The following KCNQ1OT1 variants were observed in gnomAD, a reference collection of about 807,000 sequenced individuals.
KCNQ1OT1 encodes KCNQ1 antisense RNA 2 (non-protein coding).
Position 2,690,276 on chromosome 11 carries a change from T to C in KCNQ1OT1, n.9719A>G. The C allele has an allele frequency of 2.5e-6, 1 of 398,722 alleles. No individual in the cohort carries two copies. The highest frequency in any genetic ancestry group is 4.4e-5 in the Admixed American group (1 of 22,744). The allele number at this position is 398,722 out of a possible 1,614,324, so 24.7% of individuals were successfully genotyped here. On this transcript the variant is annotated non_coding_transcript_exon_variant, in exon 1 of 1. Transcript: ENST00000597346. The surrounding 1 kb of genome is among the most constrained non-coding windows in gnomAD (Gnocchi z 5.1). ...AGCTGCTCCTTGCTGCATCTGCACA[T>C]ATGTGTAGTGTCTTCCTCCCTGTAG...
rs1173186296 is a variant in KCNQ1OT1, at chr11:2,663,532, A to G, written n.36463T>C. 7.5e-6 allele frequency: 3 copies of G among 398,514 alleles called. No individual in the cohort carries two copies. The highest frequency in any genetic ancestry group is 1.3e-5 in the Non-Finnish European group (3 of 226,094). 24.7% of individuals were successfully genotyped at this position (398,514 alleles called of 1,614,324 possible). ...TATTGCCTCTTGGCTGTCCCCTCAG[A>G]GAGGGGACTGTCCCTTCTCATCCTT... On this transcript the variant is annotated non_coding_transcript_exon_variant, in exon 1 of 1. Transcript: ENST00000597346. This position sits in a 1 kb window ranked among gnomAD's most constrained non-coding sequence, Gnocchi z 5.2.
In KCNQ1OT1 at chr11:2,611,469, C is replaced by A. The variant is rs1323306227; in HGVS notation, n.88526G>T. The A allele has an allele frequency of 2.3e-5, 9 of 397,948 alleles. No homozygotes were observed. The highest frequency in any genetic ancestry group is 4.4e-5 in the Admixed American group (1 of 22,710). The allele number at this position is 397,948 out of a possible 1,614,324, so 24.7% of individuals were successfully genotyped here. On this transcript the variant is annotated non_coding_transcript_exon_variant, in exon 1 of 1. Coordinates refer to ENST00000597346, the Ensembl canonical transcript of KCNQ1OT1. This position sits in a 1 kb window ranked among gnomAD's most constrained non-coding sequence, Gnocchi z 5.3. ...TCGAGTGATCTGTCTGCCTCAGCCTCCCAAAATGCTGGGATTACAGGTGTG... is the reference window on the plus strand; with the variant it reads ...TCGAGTGATCTGTCTGCCTCAGCCTACCAAAATGCTGGGATTACAGGTGTG...
chr11:2,643,089 A>G (rs1287510901), exon 1 of KCNQ1OT1: 4 of 398,098 alleles, frequency 1.0e-5, no homozygotes, highest in Admixed American at 4.4e-5. Flanking sequence ...CATATAATGT[A>G]TCCTGGAGAG....
exon 1 of KCNQ1OT1, chr11:2,610,993 G>A (rs1444880284): frequency 1.8e-5 from 7 of 398,072 alleles, no homozygotes; most frequent in East Asian, 7.1e-5. Flanking sequence ...TTATTGTTGA[G>A]TTGTCTATTA....
chr11:2,617,733 G>C lies in KCNQ1OT1; in HGVS notation n.82262C>G, dbSNP rs1027048395. ...CAACACTTAATAGCTATTCTCATGA[G>C]TGTGAGGTGATATCGCATAGTAATT... On this transcript the variant is annotated non_coding_transcript_exon_variant, in exon 1 of 1. Transcript: ENST00000597346. The surrounding 1 kb of genome is among the most constrained non-coding windows in gnomAD (Gnocchi z 4.6). 1.5e-5 allele frequency: 6 copies of C among 398,426 alleles called. No homozygotes were observed. The highest frequency in any genetic ancestry group is 1.2e-4 in the African/African-American group (6 of 48,624). The allele number at this position is 398,426 out of a possible 1,614,324, so 24.7% of individuals were successfully genotyped here.
chr11:2,686,278 G>T, exon 1 of KCNQ1OT1: 1 of 398,736 alleles, frequency 2.5e-6, no homozygotes, highest in South Asian at 1.3e-4. Flanking sequence ...TACTGCCACT[G>T]GCTTGGGAGG....
At chr11:2,622,203 C>T in exon 1 of KCNQ1OT1, 1 of 398,334 alleles carries the variant, frequency 2.5e-6, no homozygotes, top group Non-Finnish European at 4.4e-6. Flanking sequence ...CCAATTCTGT[C>T]AGTATATTTT....
exon 1 of KCNQ1OT1, chr11:2,639,408 G>GT (rs1276642978): frequency 2.0e-5 from 3 of 152,230 alleles, no homozygotes; most frequent in Non-Finnish European, 4.4e-5. Context: ...TGTCCTTTCT[G>GT]TTTGTTAGTT....
chr11:2,622,416 C>G (rs1589987186), exon 1 of KCNQ1OT1: 1 of 398,246 alleles, frequency 2.5e-6, no homozygotes. Flanking sequence ...TTCATTCTTT[C>G]ACTTTCAATC....
Position 2,680,517 on chromosome 11 carries a change from G to C in KCNQ1OT1, n.19478C>G, listed in dbSNP as rs1262798491. On this transcript the variant is annotated non_coding_transcript_exon_variant, in exon 1 of 1. Coordinates refer to ENST00000597346, the Ensembl canonical transcript of KCNQ1OT1. ...TTTTTAAAATAAATTTTTATTTTGA[G>C]ATAATTGTACATTTCTCATGCAGTT... 24 of 398,058 alleles carry C rather than the reference G, an allele frequency of 6.0e-5. No homozygotes were observed. In the East Asian group the frequency reaches 8.6e-4, roughly 14 times the overall value. The allele number at this position is 398,058 out of a possible 1,614,324, so 24.7% of individuals were successfully genotyped here.
Position 2,661,990 on chromosome 11 carries a change from A to G in KCNQ1OT1, n.38005T>C. 1.2e-6 allele frequency: 2 copies of G among 1,614,210 alleles called. No individual in the cohort carries two copies. Among genetic ancestry groups the G allele is most frequent in the Non-Finnish European group, 1.7e-6 (2 of 1,180,048 alleles). On this transcript the variant is annotated non_coding_transcript_exon_variant, in exon 1 of 1. Transcript: ENST00000597346. The surrounding 1 kb of genome is among the most constrained non-coding windows in gnomAD (Gnocchi z 5.9). ...GAAGAGCCCAACACTGCTGGAAGTG[A>G]GCATGCCCCATTTCATGAGAACCAA...
In KCNQ1OT1 at chr11:2,682,949, A is replaced by T; in HGVS notation, n.17046T>A. On this transcript the variant is annotated non_coding_transcript_exon_variant, in exon 1 of 1. Transcript: ENST00000597346. The surrounding 1 kb of genome is among the most constrained non-coding windows in gnomAD (Gnocchi z 5.8). ...CTCAGGTCTGTGTGGAAGAAAGGAC[A>T]GGAGTCCTTCTGCCACCCAGACTGT... 1 of 398,610 alleles carries T rather than the reference A, an allele frequency of 2.5e-6. No individual in the cohort carries two copies. The highest frequency in any genetic ancestry group is 3.6e-5 in the East Asian group (1 of 28,066). 24.7% of individuals were successfully genotyped at this position (398,610 alleles called of 1,614,324 possible). A position where few individuals can be genotyped will look rare whatever the true frequency, so the allele number is the denominator to read the frequency against.
At position 2,661,802 on chromosome 11, in the gene KCNQ1OT1, C is replaced by T; in HGVS notation, n.38193G>A. 1 of 826,966 alleles carries T rather than the reference C, an allele frequency of 1.2e-6. No homozygotes were observed. Among genetic ancestry groups the T allele is most frequent in the Admixed American group, 2.0e-5 (1 of 49,064 alleles). The allele number at this position is 826,966 out of a possible 1,614,324, so 51.2% of individuals were successfully genotyped here. A position where few individuals can be genotyped will look rare whatever the true frequency, so the allele number is the denominator to read the frequency against. ...ACTTTGGGGCCATCTTAAACACCCA[C>T]CCACCCCAACACCCAACTATAAAAC... On this transcript the variant is annotated non_coding_transcript_exon_variant, in exon 1 of 1. Transcript: ENST00000597346. This position sits in a 1 kb window ranked among gnomAD's most constrained non-coding sequence, Gnocchi z 5.9.
exon 1 of KCNQ1OT1, chr11:2,618,396 C>T (rs1351248206): frequency 1.0e-5 from 4 of 398,574 alleles, no homozygotes; most frequent in Non-Finnish European, 1.3e-5. Flanking sequence ...TACATGTGGT[C>T]TGTGGGCCAT....
chr11:2,638,284 A>G (rs985826822), exon 1 of KCNQ1OT1: 6 of 152,104 alleles, frequency 3.9e-5, no homozygotes, highest in African/African-American at 1.2e-4. Flanking sequence ...GGTCTTTACA[A>G]TTTGTCATGT....
chr11:2,687,660 C>T lies in KCNQ1OT1; in HGVS notation n.12335G>A, dbSNP rs1463591330. 2 of 398,576 alleles carry T rather than the reference C, an allele frequency of 5.0e-6. No homozygotes were observed. The highest frequency in any genetic ancestry group is 2.1e-5 in the African/African-American group (1 of 48,616). 24.7% of individuals were successfully genotyped at this position (398,576 alleles called of 1,614,324 possible). ...CTGTAAAAATTGGGACCTGTCCTTG[C>T]CAGCCAGGTCTCAGGGAGCTCAGGG... On this transcript the variant is annotated non_coding_transcript_exon_variant, in exon 1 of 1. Coordinates refer to ENST00000597346, the Ensembl canonical transcript of KCNQ1OT1. The surrounding 1 kb of genome is among the most constrained non-coding windows in gnomAD (Gnocchi z 5.0).
exon 1 of KCNQ1OT1, chr11:2,630,691 T>A (rs1849338535): frequency 2.5e-6 from 1 of 398,374 alleles, no homozygotes; most frequent in Non-Finnish European, 4.4e-6. Context: ...TACTTTCATA[T>A]GTTTTCATGT....
chr11:2,646,948 C>T (rs1849675781), exon 1 of KCNQ1OT1: 1 of 398,612 alleles, frequency 2.5e-6, no homozygotes, highest in Admixed American at 4.4e-5. Context: ...GACAATATGA[C>T]ATTCTCTTTT....
rs902929332 is a variant in KCNQ1OT1, at chr11:2,678,509, C to G, written n.21486G>C. ...TTTAATTTGTGTCCATTTCTAGACTCTATTCTGGACTGCTGATGGGCCTGT... is the reference window on the plus strand; with the variant it reads ...TTTAATTTGTGTCCATTTCTAGACTGTATTCTGGACTGCTGATGGGCCTGT... On this transcript the variant is annotated non_coding_transcript_exon_variant, in exon 1 of 1. Coordinates refer to ENST00000597346, the Ensembl canonical transcript of KCNQ1OT1. The surrounding 1 kb of genome is among the most constrained non-coding windows in gnomAD (Gnocchi z 4.9). The G allele has an allele frequency of 7.5e-6, 3 of 398,476 alleles. No homozygotes were observed. The highest frequency in any genetic ancestry group is 1.3e-5 in the Non-Finnish European group (3 of 226,072). 24.7% of individuals were successfully genotyped at this position (398,476 alleles called of 1,614,324 possible). A position where few individuals can be genotyped will look rare whatever the true frequency, so the allele number is the denominator to read the frequency against.
Sources: allele counts gnomAD v4.1 joint callset, GRCh38; gene constraint gnomAD v4.1.1; non-coding constraint Gnocchi (gnomAD v3.1); transcripts MANE v1.5; gene names NCBI Gene and HGNC (gene_info 2026-07-23, HGNC 2026-07-21).